Variants in CASR observed in about 807,000 individuals in gnomAD.
The protein encoded by CASR is extracellular calcium-sensing receptor.
A neutral mutation model predicts 69.1 loss-of-function variants in CASR; 23 were observed. The ratio of observed to expected loss-of-function variants is 0.33; its 90% confidence interval spans 0.24 to 0.47. The LOEUF is 0.47. CASR is among the 20% of genes least tolerant of loss of function. The pLI is 1.00. For synonymous variants in CASR, 541 were observed against 544.7 expected (o/e 0.99, Z 0.10); for missense variants, 924 against 1,356.1 (o/e 0.68, Z 5.00).
Position 122,283,976 on chromosome 3 carries a change from C to T in CASR, c.2022C>T (p.Asp674=). 1 of 1,613,766 alleles carries T rather than the reference C, an allele frequency of 6.2e-7. No homozygotes were observed. The highest frequency in any genetic ancestry group is 8.5e-7 in the Non-Finnish European group (1 of 1,179,888). The change falls in exon 7 of 7, where the codon GAC becomes GAT. Residue 674 remains aspartate (D), a synonymous_variant. Coordinates refer to ENST00000639785, the MANE Select transcript of CASR (RefSeq NM_000388.4). ...SSLFFIGEPQ[D]WTCRLRQPAF... ...TGTTCTTCATCGGGGAGCCCCAGGACTGGACGTGCCGCCTGCGCCAGCCGG... is the reference window on the plus strand; with the variant it reads ...TGTTCTTCATCGGGGAGCCCCAGGATTGGACGTGCCGCCTGCGCCAGCCGG...
At chr3:122,233,199 A>G (rs1478364330) in intron 1 of CASR, among the ~76,000 whole-genome samples, 4 of 152,178 alleles carry the variant, frequency 2.6e-5, no homozygotes, top group Non-Finnish European at 5.9e-5. Flanking sequence ...AAAATCGCCT[A>G]CCACAAACCG....
At chr3:122,218,464 G>T (rs1263051901) in intron 1 of CASR, among the ~76,000 whole-genome samples, 1 of 150,196 alleles carries the variant, frequency 6.7e-6, no homozygotes, top group Non-Finnish European at 1.5e-5. Context: ...AACCAGGGAG[G>T]CAGAGGTTGC....
rs387907392 is a variant in CASR, at chr3:122,262,104, A to T, written c.1069A>T (p.Asn357Tyr). Residue 357 changes from asparagine (N) to tyrosine (Y), a missense_variant, in exon 4 of 7, where the codon AAC becomes TAC. By Grantham distance (143) the Asn-to-Tyr change is moderately radical (BLOSUM62 -2). Coordinates refer to ENST00000639785, the MANE Select transcript of CASR (RefSeq NM_000388.4). ...FAKEFWEETF[N>Y]CHLQEGAKGP... ...CAAGGAGTTTTGGGAAGAAACATTT[A>T]ACTGCCACCTCCAAGAAGGTGCAAA... The T allele has an allele frequency of 6.2e-7, 1 of 1,614,152 alleles. No individual in the cohort carries two copies. Among genetic ancestry groups the T allele is most frequent in the South Asian group, 1.1e-5 (1 of 91,082 alleles).
intron 1 of CASR, chr3:122,246,733 G>A (rs919754055): frequency 6.6e-6 from 1 of 152,196 alleles, no homozygotes; most frequent in Non-Finnish European, 1.5e-5. Context: ...CCACAAGTCA[G>A]GTCTTGTTTT....
chr3:122,213,709 G>A (rs1224981063), intron 1 of CASR, among the ~76,000 whole-genome samples: 1 of 152,120 alleles, frequency 6.6e-6, no homozygotes, highest in Non-Finnish European at 1.5e-5. Context: ...CTCTTCTATA[G>A]TTTTGCTTAC....
At chr3:122,205,087 C>A (rs77707655) in intron 1 of CASR, among the ~76,000 whole-genome samples, 2,206 of 152,034 alleles carry the variant, frequency 0.015, 56 homozygotes, top group African/African-American at 0.051. Flanking sequence ...TTGATGTAAT[C>A]CCATTTTTCT....
At chr3:122,278,653 CT>C (rs2074850745) in intron 5 of CASR, among the ~76,000 whole-genome samples, 1 of 152,178 alleles carries the variant, frequency 6.6e-6, no homozygotes, top group South Asian at 2.1e-4. Context: ...GATAGGATTT[CT>C]CTTTAGCTCA....
intron 4 of CASR, among the ~76,000 whole-genome samples, chr3:122,275,461 T>A (rs1019389674): frequency 6.6e-6 from 1 of 152,228 alleles, no homozygotes; most frequent in South Asian, 2.1e-4. Context: ...GGACTCTGGC[T>A]TATAAATCCT....
intron 1 of CASR, among the ~76,000 whole-genome samples, chr3:122,197,376 T>A (rs887256069): frequency 5.9e-5 from 9 of 152,278 alleles, no homozygotes; most frequent in African/African-American, 2.2e-4. Context: ...CAGCCCTTAT[T>A]TTTTCCTCTA....
At chr3:122,252,501 AAG>A (rs753649318) in intron 1 of CASR, among the ~76,000 whole-genome samples, 2 of 74,594 alleles carry the variant, frequency 2.7e-5, no homozygotes, top group African/African-American at 4.4e-5. Flanking sequence ...AAGGAAGGGA[AAG>A]AGAGAGAGAG....
intron 3 of CASR, 87 bp downstream of exon 3, chr3:122,257,474 A>G (rs1020011535): frequency 7.6e-6 from 7 of 923,112 alleles, no homozygotes; most frequent in Non-Finnish European, 8.5e-6. Context: ...CATACGGTTT[A>G]CCATATTCCC....
In CASR at chr3:122,275,646, G is replaced by A. The variant is rs112088296; in HGVS notation, c.1378-166G>A. On this transcript the variant is annotated intron_variant, in intron 4 of 6. Transcript: ENST00000639785. ...GCTTAACAGGGCTGCTGCTAACACCGGCAAGTACTTTGGTGTGAATTAGAA... is the reference window on the plus strand; with the variant it reads ...GCTTAACAGGGCTGCTGCTAACACCAGCAAGTACTTTGGTGTGAATTAGAA... 1.2e-4 allele frequency among the ~76,000 whole-genome samples: 18 copies of A among 152,176 alleles called. 1 individual carries two copies. The highest frequency in any genetic ancestry group is 7.4e-5 in the Non-Finnish European group (5 of 68,024).
At chr3:122,236,030 C>T (rs759501418) in intron 1 of CASR, among the ~76,000 whole-genome samples, 1 of 152,196 alleles carries the variant, frequency 6.6e-6, no homozygotes, top group Non-Finnish European at 1.5e-5. Context: ...TGCTGATGCT[C>T]GTCCAAGGAC....
At position 122,285,299 on chromosome 3, in the gene CASR, A is replaced by G; in HGVS notation, c.*108A>G. On this transcript the variant is annotated 3_prime_UTR_variant, in exon 7 of 7. Coordinates refer to ENST00000639785, the MANE Select transcript of CASR (RefSeq NM_000388.4). ...TCCTCTGAGGAAGAAGGGATAATAGACACATCAAATGCCCCGAATTTAGTC... is the reference window on the plus strand; with the variant it reads ...TCCTCTGAGGAAGAAGGGATAATAGGCACATCAAATGCCCCGAATTTAGTC... 3 of 1,005,766 alleles carry G rather than the reference A, an allele frequency of 3.0e-6. No homozygotes were observed. The highest frequency in any genetic ancestry group is 4.7e-6 in the Non-Finnish European group (3 of 640,072). 62.3% of individuals were successfully genotyped at this position (1,005,766 alleles called of 1,614,324 possible). A position where few individuals can be genotyped will look rare whatever the true frequency, so the allele number is the denominator to read the frequency against.
At chr3:122,272,091 GCACACACACA>G (rs35249463) in intron 4 of CASR, among the ~76,000 whole-genome samples, 15,108 of 148,878 alleles carry the variant, frequency 0.1, 1,447 homozygotes, top group East Asian at 0.51. Context: ...TCCTAGGAAT[GCACACACACA>G]CACACACACA....
intron 1 of CASR, among the ~76,000 whole-genome samples, chr3:122,223,405 C>T (rs577109775): frequency 2.6e-4 from 39 of 152,110 alleles, no homozygotes; most frequent in African/African-American, 8.7e-4. Flanking sequence ...AAATCCTTAG[C>T]GAATATTATC....
In CASR at chr3:122,248,192, A is replaced by G. The variant is rs528774160; in HGVS notation, c.-242-5756A>G. Among the ~76,000 whole-genome samples, 24 of 152,276 alleles carry G rather than the reference A, an allele frequency of 1.6e-4. No individual in the cohort carries two copies. The South Asian group carries it at 2.9e-3, about 18-fold the overall frequency. Reference sequence around the variant, plus strand: ...AACATGTGCCTTGCTTTGGTACAGAAGGAATGAAGTCTGATATAGAACTAG... The same window carrying G: ...AACATGTGCCTTGCTTTGGTACAGAGGGAATGAAGTCTGATATAGAACTAG... On this transcript the variant is annotated intron_variant, in intron 1 of 6. Coordinates refer to ENST00000639785, the MANE Select transcript of CASR (RefSeq NM_000388.4).
chr3:122,263,589 C>G (rs1374167445), intron 4 of CASR, among the ~76,000 whole-genome samples: 4 of 152,086 alleles, frequency 2.6e-5, no homozygotes, highest in Non-Finnish European at 4.4e-5. Context: ...TACCAAGAAG[C>G]AAAAAGCACA....
intron 1 of CASR, among the ~76,000 whole-genome samples, chr3:122,187,398 C>T (rs986702699): frequency 4.6e-5 from 7 of 152,178 alleles, no homozygotes; most frequent in Non-Finnish European, 1.0e-4. Flanking sequence ...TTTATTCATT[C>T]GACAGTGTTT....
Sources: gnomAD v4.1 joint callset for allele counts (sites outside exome capture counted in the v4.1 genomes callset) on GRCh38, gnomAD v4.1.1 for gene constraint, MANE v1.5 for transcripts, NCBI Gene and HGNC (gene_info 2026-07-23, HGNC 2026-07-21) for gene names.